The following ABCB5 variants were observed in gnomAD, a reference collection of about 807,000 sequenced individuals.
ABCB5 encodes the protein ATP-binding cassette sub-family B member 5.
In ABCB5, 155 loss-of-function variants were observed where a neutral mutation model predicts 144.2. The observed-to-expected ratio is 1.08, with a 90% CI of 0.94 to 1.23. ABCB5 has a LOEUF of 1.23. ABCB5 is among the 50% of genes most tolerant of loss of function. The pLI, the probability that ABCB5 is intolerant of heterozygous loss-of-function variation, is 0.00. For missense variants in ABCB5, 1,830 were observed against 1,520.8 expected (o/e 1.20, Z -3.38); for synonymous variants, 610 against 528.6 (o/e 1.15, Z -2.11).
intron 26 of ABCB5, among the ~76,000 whole-genome samples, chr7:20,752,051 G>A (rs915144825): frequency 2.6e-5 from 4 of 152,218 alleles, no homozygotes; most frequent in South Asian, 4.1e-4. Context: ...TGTCCAAAAT[G>A]CACTTCCTGA....
At position 20,739,041 on chromosome 7, in the gene ABCB5, C is replaced by G. The variant is rs777435133; in HGVS notation, c.2926C>G (p.Pro976Ala). ...CATCGGAGAAACGCTCGTTTTGGCT[C>G]CTGAATATTCCAAAGCCAAATCGGG... ...MAIGETLVLA[P>A]EYSKAKSGAA... The change falls in exon 24 of 28, where the codon CCT becomes GCT. Residue 976 changes from proline to alanine, a missense_variant. By Grantham distance (27) the Pro-to-Ala change is conservative. Transcript: ENST00000404938. 5.6e-6 allele frequency: 9 copies of G among 1,612,066 alleles called. No homozygotes were observed. In the South Asian group the frequency reaches 9.9e-5, roughly 18 times the overall value.
chr7:20,706,623 A>G (rs1786833581), intron 20 of ABCB5, among the ~76,000 whole-genome samples: 1 of 152,230 alleles, frequency 6.6e-6, no homozygotes, highest in South Asian at 2.1e-4. Flanking sequence ...GACAAGTCAA[A>G]TCTTTTTCAT....
chr7:20,651,240 C>G (rs1784572603), intron 12 of ABCB5, among the ~76,000 whole-genome samples, 180 bp from the exon 13 acceptor site: 1 of 152,062 alleles, frequency 6.6e-6, no homozygotes, highest in South Asian at 2.1e-4. Context: ...TTTGTTGGTG[C>G]CCATCTACCA....
chr7:20,626,658 AC>A, intron 3 of ABCB5, 47 bp downstream of exon 3: 1 of 1,513,606 alleles, frequency 6.6e-7, no homozygotes, highest in Non-Finnish European at 9.0e-7. Context: ...GATTTTAGAG[AC>A]TTGTCAGTAG....
chr7:20,732,972 A>G lies in ABCB5; in HGVS notation c.2867+4517A>G, dbSNP rs1432834749. ...TGCTATAACGGCAAATCTTGATTGA[A>G]TCTTTACTCAGTTTTAAGTATTTGC... On this transcript the variant is annotated intron_variant, in intron 23 of 27. Coordinates refer to ENST00000404938, the MANE Select transcript of ABCB5 (RefSeq NM_001163941.2). Among the ~76,000 whole-genome samples, 6 of 152,178 alleles carry G rather than the reference A, an allele frequency of 3.9e-5. No individual in the cohort carries two copies. In the East Asian group the frequency reaches 1.2e-3, roughly 29 times the overall value.
chr7:20,732,420 G>T (rs1782250082), intron 23 of ABCB5, among the ~76,000 whole-genome samples: 1 of 152,174 alleles, frequency 6.6e-6, no homozygotes, highest in Non-Finnish European at 1.5e-5. Flanking sequence ...ATTTATGAGT[G>T]CATAGACTGA....
At chr7:20,648,195 C>G (rs1173680410) in intron 11 of ABCB5, 117 bp downstream of exon 11, 4 of 651,794 alleles carry the variant, frequency 6.1e-6, no homozygotes, top group Non-Finnish European at 1.1e-5. Context: ...GGCTACTTTG[C>G]TTAGAGACTT....
intron 19 of ABCB5, among the ~76,000 whole-genome samples, chr7:20,701,727 T>C (rs559508307): frequency 6.6e-6 from 1 of 152,352 alleles, no homozygotes; most frequent in African/African-American, 2.4e-5. Flanking sequence ...ATCATGTACA[T>C]ACTCACAAAG....
intron 17 of ABCB5, among the ~76,000 whole-genome samples, chr7:20,699,518 T>G (rs12673236): frequency 0.19 from 28,410 of 151,866 alleles, 2,941 homozygotes; most frequent in Non-Finnish European, 0.24. Context: ...CTGCCCAGTA[T>G]AGTGAAACCC....
intron 13 of ABCB5, among the ~76,000 whole-genome samples, chr7:20,653,338 A>G (rs1784666652): frequency 6.6e-6 from 1 of 152,238 alleles, no homozygotes; most frequent in African/African-American, 2.4e-5. Flanking sequence ...CAGAAAAATG[A>G]GGAAACACAA....
rs532152825 is a variant in ABCB5 at position 20,684,090 on chromosome 7, T to C, written c.1870-1606T>C. 3.9e-5 allele frequency among the ~76,000 whole-genome samples: 6 copies of C among 152,338 alleles called. 1 individual carries two copies. In the South Asian group the frequency reaches 1.0e-3, roughly 26 times the overall value. Reference sequence around the variant, plus strand: ...TGTGAGTATTAAACAGGCAAAATCATGTGAAGTACTTAGAATTATTGTTAG... The same window carrying C: ...TGTGAGTATTAAACAGGCAAAATCACGTGAAGTACTTAGAATTATTGTTAG... On this transcript the variant is annotated intron_variant, in intron 15 of 27. Coordinates refer to ENST00000404938, the MANE Select transcript of ABCB5 (RefSeq NM_001163941.2).
chr7:20,634,789 T>G (rs896221581), intron 5 of ABCB5, among the ~76,000 whole-genome samples: 4 of 152,138 alleles, frequency 2.6e-5, no homozygotes, highest in African/African-American at 9.6e-5. Flanking sequence ...TTGGGTTCCT[T>G]GTAGATTCTA....
intron 7 of ABCB5, among the ~76,000 whole-genome samples, chr7:20,644,686 C>T (rs977665450): frequency 1.3e-5 from 2 of 152,326 alleles, no homozygotes; most frequent in East Asian, 3.9e-4. Flanking sequence ...AGGCACAGTG[C>T]TTTAAATTTG....
chr7:20,751,214 G>T (rs138033801), intron 26 of ABCB5, among the ~76,000 whole-genome samples: 19 of 152,174 alleles, frequency 1.2e-4, no homozygotes, highest in African/African-American at 4.3e-4. Context: ...GCCAGAAAAT[G>T]GATTCAAATT....
At chr7:20,712,657 A>G (rs975649045) in intron 20 of ABCB5, among the ~76,000 whole-genome samples, 3 of 149,614 alleles carry the variant, frequency 2.0e-5, no homozygotes, top group African/African-American at 7.4e-5. Flanking sequence ...CCTATCATAT[A>G]TATTTTTCAT....
At chr7:20,622,117 A>C (rs1227787800) in intron 1 of ABCB5, among the ~76,000 whole-genome samples, 1 of 152,154 alleles carries the variant, frequency 6.6e-6, no homozygotes, top group Non-Finnish European at 1.5e-5. Flanking sequence ...TTTATTGAGA[A>C]TAGAACGCAT....
intron 1 of ABCB5, among the ~76,000 whole-genome samples, chr7:20,621,532 T>G (rs1428294085): frequency 6.6e-6 from 1 of 152,078 alleles, no homozygotes; most frequent in Non-Finnish European, 1.5e-5. Context: ...ATGGGGTTCC[T>G]CAGGAAAAGG....
chr7:20,635,397 T>C (rs1033482575), intron 5 of ABCB5, among the ~76,000 whole-genome samples: 43 of 151,896 alleles, frequency 2.8e-4, no homozygotes, highest in Non-Finnish European at 4.9e-4. Flanking sequence ...CTTTTTTTTT[T>C]TTTGGTTGCA....
At chr7:20,724,861 C>CT (rs1562580771) in intron 21 of ABCB5, among the ~76,000 whole-genome samples, 2 of 152,062 alleles carry the variant, frequency 1.3e-5, no homozygotes, top group South Asian at 2.1e-4. Context: ...ACCTTTCCAC[C>CT]TTTTTTTGCA....
Sources: allele counts gnomAD v4.1 joint callset (sites outside exome capture counted in the v4.1 genomes callset), GRCh38; gene constraint gnomAD v4.1.1; transcripts MANE v1.5; gene names NCBI Gene and HGNC (gene_info 2026-07-23, HGNC 2026-07-21).